The following ATP8B1 variants were observed in gnomAD, a reference collection of about 807,000 sequenced individuals.
ATP8B1 encodes phospholipid-transporting ATPase IC.
ATP8B1 carries 80 observed loss-of-function variants against 149.9 expected under a neutral mutation model. That is an observed-to-expected ratio of 0.53 (90% CI 0.45 to 0.64). The LOEUF (loss-of-function observed/expected upper bound fraction) is 0.64, where lower values mean the gene tolerates loss of function less well. Ranked by LOEUF, ATP8B1 falls within the 30% of genes least tolerant of loss-of-function variation. The pLI is 0.00. For synonymous variants in ATP8B1, 536 were observed against 562.8 expected (o/e 0.95, Z 0.67); for missense variants, 1,247 against 1,552.6 (o/e 0.80, Z 3.31).
chr18:57,738,838 C>G (rs2079884205), intron 1 of ATP8B1, among the ~76,000 whole-genome samples: 1 of 151,970 alleles, frequency 6.6e-6, no homozygotes, highest in Admixed American at 6.6e-5. Context: ...CTGCTTACAC[C>G]CTTCCTGGGT....
intron 1 of ATP8B1, among the ~76,000 whole-genome samples, chr18:57,761,265 A>G (rs2080155562): frequency 2.6e-5 from 4 of 152,132 alleles, no homozygotes; most frequent in Admixed American, 2.0e-4. Context: ...TATCAGGGCA[A>G]CTGTGATATT....
chr18:57,668,638 T>C, intron 18 of ATP8B1, 98 bp from the exon 19 acceptor site: 2 of 738,836 alleles, frequency 2.7e-6, no homozygotes, highest in Admixed American at 2.7e-5. Context: ...GAAGGGCTAA[T>C]TATACATCCT....
intron 1 of ATP8B1, among the ~76,000 whole-genome samples, chr18:57,764,757 C>CAAAAA: frequency 9.6e-6 from 1 of 104,172 alleles, no homozygotes; most frequent in Non-Finnish European, 2.0e-5. Context: ...TTTCAGTTGT[C>CAAAAA]AAAAAAAAAA....
At chr18:57,688,574 T>C (rs1322804454) in intron 12 of ATP8B1, 67 bp from the exon 13 acceptor site, 1 of 1,508,150 alleles carries the variant, frequency 6.6e-7, no homozygotes, top group East Asian at 2.3e-5. Flanking sequence ...AGAGATTTTA[T>C]TCTCATTGTA....
At position 57,684,009 on chromosome 18, in the gene ATP8B1, T is replaced by C. The variant is rs750288773; in HGVS notation, c.1630+27A>G. On this transcript the variant is annotated intron_variant, in intron 15 of 27. Coordinates refer to ENST00000648908, the MANE Select transcript of ATP8B1 (RefSeq NM_001374385.1). ...TGGAAACAAAAAACCTGGTCTCTAA[T>C]GCCTGAGATGCCAGAGAAACACTCA... The C allele has an allele frequency of 9.9e-6, 16 of 1,614,124 alleles. No homozygotes were observed. In the East Asian group the frequency reaches 3.3e-4, roughly 34 times the overall value.
intron 12 of ATP8B1, 122 bp downstream of exon 12, chr18:57,691,685 G>T (rs317809): frequency 8.0e-5 from 101 of 1,259,916 alleles, no homozygotes; most frequent in Non-Finnish European, 1.1e-4. Context: ...TGAAATGAAC[G>T]TGATTTTCTT....
chr18:57,732,191 A>G (rs967104605), intron 1 of ATP8B1, among the ~76,000 whole-genome samples: 4 of 102,024 alleles, frequency 3.9e-5, no homozygotes, highest in African/African-American at 1.6e-4. Context: ...GTATATATGT[A>G]TATATGTGTA....
chr18:57,686,016 G>A (rs1299840996), intron 13 of ATP8B1, among the ~76,000 whole-genome samples: 1 of 152,144 alleles, frequency 6.6e-6, no homozygotes, highest in East Asian at 1.9e-4. Flanking sequence ...GGGAGGCTGA[G>A]GCAGATGGAT....
intron 2 of ATP8B1, among the ~76,000 whole-genome samples, chr18:57,721,229 C>A (rs2123072076): frequency 7.0e-6 from 1 of 143,858 alleles, no homozygotes; most frequent in South Asian, 2.4e-4. Flanking sequence ...ATGACAGGAT[C>A]AAATTCACAC....
intron 22 of ATP8B1, among the ~76,000 whole-genome samples, 164 bp from the exon 23 acceptor site, chr18:57,655,581 T>C (rs1017616359): frequency 1.2e-4 from 18 of 152,352 alleles, no homozygotes; most frequent in African/African-American, 4.3e-4. Flanking sequence ...GCTCTTGAAC[T>C]CAACTCAAAG....
At chr18:57,719,267 C>T (rs577887791) in intron 2 of ATP8B1, among the ~76,000 whole-genome samples, 6 of 152,150 alleles carry the variant, frequency 3.9e-5, no homozygotes, top group African/African-American at 1.2e-4. Context: ...CCAAGATGGC[C>T]GAATAGGAAC....
intron 1 of ATP8B1, among the ~76,000 whole-genome samples, chr18:57,791,710 C>A (rs180928998): frequency 5.3e-5 from 8 of 152,262 alleles, no homozygotes; most frequent in Admixed American, 3.3e-4. Flanking sequence ...TTTGTTTATT[C>A]ATTCATTCGT....
intron 12 of ATP8B1, 72 bp downstream of exon 12, chr18:57,691,735 A>G: frequency 6.5e-7 from 1 of 1,544,598 alleles, no homozygotes; most frequent in Non-Finnish European, 8.9e-7. Context: ...ATCACTAGAA[A>G]TGAAGGCACT....
chr18:57,662,641 T>C (rs1568184254), intron 20 of ATP8B1, 26 bp from the exon 21 acceptor site: 4 of 1,613,778 alleles, frequency 2.5e-6, no homozygotes, highest in South Asian at 1.1e-5. Context: ...TTTCAGTGTT[T>C]AAAGTGTAAG....
At chr18:57,800,277 T>C (rs534766313) in intron 1 of ATP8B1, among the ~76,000 whole-genome samples, 1 of 152,302 alleles carries the variant, frequency 6.6e-6, no homozygotes, top group South Asian at 2.1e-4. Flanking sequence ...GGAGGATTGC[T>C]TGAGGCCAGG....
intron 1 of ATP8B1, among the ~76,000 whole-genome samples, chr18:57,765,789 T>C (rs1599213949): frequency 6.6e-6 from 1 of 151,632 alleles, no homozygotes; most frequent in Non-Finnish European, 1.5e-5. Context: ...CTGGCCAACA[T>C]GGTGAAACCC....
At chr18:57,797,703 CTTTTTTTTTTTTTT>C (rs59261353) in intron 1 of ATP8B1, among the ~76,000 whole-genome samples, 1 of 96,288 alleles carries the variant, frequency 1.0e-5, no homozygotes, top group African/African-American at 4.2e-5. Context: ...TTCTTTCTTT[CTTTTTTTTTTTTTT>C]TTTTTTTTGA....
At chr18:57,706,441 G>A (rs1230585518) in intron 3 of ATP8B1, 49 bp downstream of exon 3, 1 of 1,527,998 alleles carries the variant, frequency 6.5e-7, no homozygotes, top group African/African-American at 1.4e-5. Context: ...GCCAGCTACT[G>A]GAAAAAACTG....
intron 2 of ATP8B1, among the ~76,000 whole-genome samples, chr18:57,727,586 C>T (rs868131127): frequency 2.0e-5 from 3 of 152,064 alleles, no homozygotes; most frequent in Non-Finnish European, 4.4e-5. Flanking sequence ...TTCAGGAGAT[C>T]GAGACCATCC....
Sources: gnomAD v4.1 joint callset for allele counts (sites outside exome capture counted in the v4.1 genomes callset) on GRCh38, gnomAD v4.1.1 for gene constraint, MANE v1.5 for transcripts, NCBI Gene and HGNC (gene_info 2026-07-23, HGNC 2026-07-21) for gene names.